Variants in DISP1 observed in about 807,000 individuals in gnomAD.
The protein encoded by DISP1 is dispatched RND transporter family member 1.
In DISP1, 30 loss-of-function variants were observed where a neutral mutation model predicts 37.3. That is an observed-to-expected ratio of 0.80 (90% CI 0.60 to 1.09). The LOEUF (loss-of-function observed/expected upper bound fraction) is 1.09, where lower values mean the gene tolerates loss of function less well. Among genes scored for constraint, DISP1 ranks in the 50% least tolerant of loss-of-function variants. The pLI is 0.00. For synonymous variants in DISP1, 634 were observed against 690.2 expected (o/e 0.92, Z 1.28); for missense variants, 1,598 against 1,879.5 (o/e 0.85, Z 2.77).
At chr1:222,817,558 C>G (rs1311896285) in intron 1 of DISP1, among the ~76,000 whole-genome samples, 3 of 152,168 alleles carry the variant, frequency 2.0e-5, no homozygotes, top group Non-Finnish European at 4.4e-5. Flanking sequence ...TGGGGAAGTA[C>G]AGTTTTTGGA....
chr1:222,840,420 T>G (rs1667521344), intron 1 of DISP1, among the ~76,000 whole-genome samples: 1 of 151,856 alleles, frequency 6.6e-6, no homozygotes, highest in Non-Finnish European at 1.5e-5. Context: ...TTTTGTATTT[T>G]TAGTAGAGAT....
intron 1 of DISP1, among the ~76,000 whole-genome samples, chr1:222,818,070 C>T (rs1016580169): frequency 7.3e-5 from 11 of 151,432 alleles, no homozygotes; most frequent in African/African-American, 2.4e-4. Flanking sequence ...TGCCCTTAAC[C>T]TTTGTTGTTA....
intron 1 of DISP1, among the ~76,000 whole-genome samples, chr1:222,818,425 T>C (rs1426138108): frequency 6.6e-6 from 1 of 152,214 alleles, no homozygotes; most frequent in Non-Finnish European, 1.5e-5. Flanking sequence ...GTGAATGACC[T>C]GGTGGAGCCT....
At chr1:222,885,616 A>T (rs953433777) in intron 1 of DISP1, among the ~76,000 whole-genome samples, 2 of 151,866 alleles carry the variant, frequency 1.3e-5, no homozygotes, top group African/African-American at 4.8e-5. Context: ...TATGCACTAC[A>T]GCTGCTTACC....
At chr1:222,844,886 T>G (rs1667815328) in intron 1 of DISP1, among the ~76,000 whole-genome samples, 1 of 152,150 alleles carries the variant, frequency 6.6e-6, no homozygotes, top group South Asian at 2.1e-4. Context: ...TTACATTTAG[T>G]TGTAGACCAC....
At chr1:222,888,474 G>T (rs1670762536) in intron 1 of DISP1, among the ~76,000 whole-genome samples, 2 of 152,030 alleles carry the variant, frequency 1.3e-5, no homozygotes, top group Admixed American at 1.3e-4. Context: ...GGGTAAAAAG[G>T]GTAAAAAGTT....
intron 1 of DISP1, among the ~76,000 whole-genome samples, chr1:222,873,675 C>T (rs574420485): frequency 5.9e-5 from 9 of 152,176 alleles, no homozygotes; most frequent in East Asian, 3.9e-4. Context: ...TGTTTCTGCA[C>T]GTGAGATGGG....
chr1:222,831,484 A>T (rs1665731033), intron 1 of DISP1, among the ~76,000 whole-genome samples: 1 of 152,196 alleles, frequency 6.6e-6, no homozygotes, highest in Admixed American at 6.5e-5. Context: ...TTTCTTATAG[A>T]ATAAGGAATT....
At chr1:222,940,631 A>G (rs898988444) in intron 2 of DISP1, among the ~76,000 whole-genome samples, 1 of 152,230 alleles carries the variant, frequency 6.6e-6, no homozygotes, top group African/African-American at 2.4e-5. Context: ...AGGAAAAAGT[A>G]GACTATTTGA....
In DISP1 at chr1:222,972,728, A is replaced by G. The variant is rs557817115; in HGVS notation, c.510-10352A>G. 1.1e-4 allele frequency among the ~76,000 whole-genome samples: 17 copies of G among 152,274 alleles called. No individual in the cohort carries two copies. In the East Asian group the frequency reaches 3.1e-3, roughly 28 times the overall value. ...CTTTGGACTACTCTGGTCCAATATT[A>G]TCTTCCTATTCCCCATTCATTCACG... On this transcript the variant is annotated intron_variant, in intron 3 of 8. Coordinates refer to ENST00000675850, the MANE Select transcript of DISP1 (RefSeq NM_001377229.1).
chr1:222,979,702 G>T (rs753849074), intron 3 of DISP1: 40 of 469,442 alleles, frequency 8.5e-5, no homozygotes, highest in Non-Finnish European at 2.2e-5. Flanking sequence ...GTGTAAAGCT[G>T]CTAAGCCCTC....
chr1:222,944,882 C>T (rs1674653249), intron 3 of DISP1, among the ~76,000 whole-genome samples: 1 of 152,078 alleles, frequency 6.6e-6, no homozygotes, highest in Non-Finnish European at 1.5e-5. Context: ...ATTAAAGAGT[C>T]AGGGCTGGGT....
chr1:222,866,924 T>C (rs924632687), intron 1 of DISP1, among the ~76,000 whole-genome samples: 3 of 152,084 alleles, frequency 2.0e-5, no homozygotes, highest in African/African-American at 7.2e-5. Flanking sequence ...ATAAATTCAG[T>C]CCAATGAAGA....
chr1:222,948,573 G>A (rs1037655206), intron 3 of DISP1, among the ~76,000 whole-genome samples: 1 of 152,194 alleles, frequency 6.6e-6, no homozygotes, highest in Non-Finnish European at 1.5e-5. Flanking sequence ...TCTAGAGGTT[G>A]ATCTCGACCA....
intron 1 of DISP1, among the ~76,000 whole-genome samples, chr1:222,899,271 C>A (rs1671449907): frequency 6.6e-6 from 1 of 152,094 alleles, no homozygotes; most frequent in South Asian, 2.1e-4. Context: ...AGAAAATAGT[C>A]TCCGATTCTA....
intron 1 of DISP1, among the ~76,000 whole-genome samples, chr1:222,922,821 A>G (rs1405933852): frequency 6.6e-6 from 1 of 152,198 alleles, no homozygotes; most frequent in Admixed American, 6.5e-5. Flanking sequence ...TAACAGAATT[A>G]AGAAGATCTG....
chr1:222,832,310 A>G lies in DISP1; in HGVS notation c.-159+17232A>G, dbSNP rs148417592. Reference sequence around the variant, plus strand: ...ACTTGTTGGCTTAATGACCTTTTGTAAGTTTCTTAACCCTTTCAGATAGGT... The same window carrying G: ...ACTTGTTGGCTTAATGACCTTTTGTGAGTTTCTTAACCCTTTCAGATAGGT... On this transcript the variant is annotated intron_variant, in intron 1 of 8. Coordinates refer to ENST00000675850, the MANE Select transcript of DISP1 (RefSeq NM_001377229.1). Among the ~76,000 whole-genome samples, 671 of 152,186 alleles carry G rather than the reference A, an allele frequency of 4.4e-3. 5 individuals are homozygous for G. The highest frequency in any genetic ancestry group is 0.015 in the African/African-American group (632 of 41,520).
chr1:222,832,535 C>T (rs1666013279), intron 1 of DISP1, among the ~76,000 whole-genome samples: 1 of 152,098 alleles, frequency 6.6e-6, no homozygotes, highest in Non-Finnish European at 1.5e-5. Context: ...TTTTAAAATG[C>T]AGGATTACTT....
intron 1 of DISP1, among the ~76,000 whole-genome samples, chr1:222,882,717 A>G (rs1459972220): frequency 2.6e-5 from 4 of 152,140 alleles, no homozygotes; most frequent in Non-Finnish European, 5.9e-5. Flanking sequence ...TGACAGAACA[A>G]AGAAAGCATT....
Sources: allele counts gnomAD v4.1 joint callset (sites outside exome capture counted in the v4.1 genomes callset), GRCh38; gene constraint gnomAD v4.1.1; transcripts MANE v1.5; gene names NCBI Gene and HGNC (gene_info 2026-07-23, HGNC 2026-07-21).